The following TRIO variants were observed in gnomAD, a reference collection of about 807,000 sequenced individuals.
TRIO encodes the protein trio Rho guanine nucleotide exchange factor.
A neutral mutation model predicts 351.9 loss-of-function variants in TRIO; 58 were observed. The observed-to-expected ratio is 0.16, with a 90% CI of 0.13 to 0.21. The LOEUF (loss-of-function observed/expected upper bound fraction) is 0.21. Among genes scored for constraint, TRIO ranks in the 10% least tolerant of loss-of-function variants. The probability of loss-of-function intolerance (pLI) is 1.00; values close to 1 mark genes in which losing one functional copy is unlikely to be tolerated. For missense variants in TRIO, 3,201 were observed against 4,027.8 expected (o/e 0.79, Z 5.56); for synonymous variants, 1,758 against 1,595.7 (o/e 1.10, Z -2.42).
intron 1 of TRIO, among the ~76,000 whole-genome samples, chr5:14,255,368 A>C (rs960190954): frequency 6.6e-6 from 1 of 152,244 alleles, no homozygotes; most frequent in African/African-American, 2.4e-5. Context: ...GTAATAGCAA[A>C]AATGAGAGAC....
At chr5:14,250,887 G>A (rs546634816) in intron 1 of TRIO, among the ~76,000 whole-genome samples, 45 of 152,310 alleles carry the variant, frequency 3.0e-4, no homozygotes, top group African/African-American at 1.0e-3. Flanking sequence ...TTCTCCAGCA[G>A]CCTTTTGAAA....
chr5:14,174,209 A>G (rs1049782201), intron 1 of TRIO, among the ~76,000 whole-genome samples: 1 of 152,342 alleles, frequency 6.6e-6, no homozygotes, highest in African/African-American at 2.4e-5. Flanking sequence ...AGGAGCATGC[A>G]GAGTTTGCCC....
chr5:14,219,711 G>A (rs1185283415), intron 1 of TRIO, among the ~76,000 whole-genome samples: 1 of 152,210 alleles, frequency 6.6e-6, no homozygotes, highest in Admixed American at 6.5e-5. Flanking sequence ...ACCAGCTGAG[G>A]CATCAGAATC....
rs1756203780 is a variant in TRIO at position 14,488,384 on chromosome 5, C to CT, written c.7632+125dup. 2.1e-6 allele frequency: 3 copies of CT among 1,397,380 alleles called. No individual in the cohort carries two copies. In the East Asian group the frequency reaches 7.6e-5, roughly 35 times the overall value. The allele number at this position is 1,397,380 out of a possible 1,614,324, so 86.6% of individuals were successfully genotyped here. On this transcript the variant is annotated intron_variant, in intron 48 of 56. Transcript: ENST00000344204. ...CGCTCTCCGCCGCCCGTTGCGGCCT[C>CT]TACCTGGGACCAGGCTAACCCTCCT...
chr5:14,467,659 C>T (rs561380071), intron 37 of TRIO, among the ~76,000 whole-genome samples: 1 of 151,964 alleles, frequency 6.6e-6, no homozygotes, highest in Admixed American at 6.5e-5. Context: ...CAAAAAAATA[C>T]AAAAATCAGC....
At chr5:14,216,865 A>G (rs1050874274) in intron 1 of TRIO, among the ~76,000 whole-genome samples, 15 of 152,286 alleles carry the variant, frequency 9.8e-5, no homozygotes, top group African/African-American at 3.6e-4. Flanking sequence ...ATAGCTTCAT[A>G]TGGTAGATAG....
At chr5:14,353,867 C>T (rs1743371236) in intron 11 of TRIO, among the ~76,000 whole-genome samples, 1 of 152,208 alleles carries the variant, frequency 6.6e-6, no homozygotes, top group South Asian at 2.1e-4. Context: ...AGTCATTTTT[C>T]ATCTTCTCTT....
At chr5:14,180,472 G>GT (rs1789703165) in intron 1 of TRIO, among the ~76,000 whole-genome samples, 1 of 152,108 alleles carries the variant, frequency 6.6e-6, no homozygotes, top group Admixed American at 6.6e-5. Context: ...TTGTTCCTTT[G>GT]TAAGAATCAC....
At chr5:14,169,892 G>T (rs1037402720) in intron 1 of TRIO, among the ~76,000 whole-genome samples, 1 of 152,222 alleles carries the variant, frequency 6.6e-6, no homozygotes, top group South Asian at 2.1e-4. Context: ...ATTAGGCAAA[G>T]CATTTTAGAA....
At chr5:14,273,751 A>G (rs1458323114) in intron 2 of TRIO, among the ~76,000 whole-genome samples, 1 of 152,234 alleles carries the variant, frequency 6.6e-6, no homozygotes, top group African/African-American at 2.4e-5. Context: ...GCCTAATGGC[A>G]TCTTACATAT....
intron 28 of TRIO, among the ~76,000 whole-genome samples, chr5:14,394,987 C>T (rs1747436149): frequency 6.6e-6 from 1 of 152,160 alleles, no homozygotes; most frequent in Admixed American, 6.5e-5. Context: ...ATGCATTCAT[C>T]CCAGTGATGG....
At chr5:14,310,691 C>T (rs1469803842) in intron 8 of TRIO, among the ~76,000 whole-genome samples, 1 of 152,206 alleles carries the variant, frequency 6.6e-6, no homozygotes, top group African/African-American at 2.4e-5. Context: ...GGTAGAGTCA[C>T]TTCTTTTTTG....
chr5:14,450,064 A>G (rs539448840), intron 34 of TRIO, among the ~76,000 whole-genome samples: 1 of 152,172 alleles, frequency 6.6e-6, no homozygotes. Context: ...TGCTTATGTA[A>G]TGTTTTCAGT....
intron 10 of TRIO, among the ~76,000 whole-genome samples, chr5:14,334,616 T>C (rs912852278): frequency 2.6e-5 from 4 of 152,234 alleles, no homozygotes; most frequent in South Asian, 2.1e-4. Context: ...TTCAGCTCTT[T>C]AGAAATGTGC....
intron 1 of TRIO, among the ~76,000 whole-genome samples, chr5:14,239,170 T>C (rs1380775418): frequency 6.6e-6 from 1 of 152,132 alleles, no homozygotes; most frequent in African/African-American, 2.4e-5. Context: ...AATTTCAGAA[T>C]ATATAAGTGG....
chr5:14,317,253 C>A (rs766898094), intron 9 of TRIO, among the ~76,000 whole-genome samples: 1 of 152,104 alleles, frequency 6.6e-6, no homozygotes, highest in African/African-American at 2.4e-5. Flanking sequence ...TTTAAAGAAA[C>A]AAAAATAAGA....
intron 30 of TRIO, among the ~76,000 whole-genome samples, chr5:14,400,153 T>C (rs186428912): frequency 1.3e-5 from 2 of 152,358 alleles, no homozygotes; most frequent in African/African-American, 2.4e-5. Flanking sequence ...TTGCCTGACA[T>C]CATTTTAGGT....
rs1485532562 is a variant in TRIO, at chr5:14,509,518, G to A, written c.*1096G>A. 4 of 400,966 alleles carry A rather than the reference G, an allele frequency of 1.0e-5. No homozygotes were observed. The highest frequency in any genetic ancestry group is 1.5e-5 in the Non-Finnish European group (3 of 206,286). 24.8% of individuals were successfully genotyped at this position (400,966 alleles called of 1,614,324 possible). On this transcript the variant is annotated 3_prime_UTR_variant, in exon 57 of 57. Transcript: ENST00000344204. The stretch of plus-strand genomic sequence containing the variant: ...ACTCTGAATATAAAACTGGATAATA[G>A]GGTAATGTTTTAAAATTTATTATGC...
At chr5:14,186,263 A>G (rs26292) in intron 1 of TRIO, among the ~76,000 whole-genome samples, 8,757 of 152,222 alleles carry the variant, frequency 0.058, 324 homozygotes, top group African/African-American at 0.1. Flanking sequence ...CCAACTCTCA[A>G]ACATATTCCT....
Sources: allele counts gnomAD v4.1 joint callset (sites outside exome capture counted in the v4.1 genomes callset), GRCh38; gene constraint gnomAD v4.1.1; transcripts MANE v1.5; gene names NCBI Gene and HGNC (gene_info 2026-07-23, HGNC 2026-07-21).